Variants in CDH13 observed in about 807,000 individuals in gnomAD.
CDH13 encodes the protein cadherin 13.
CDH13 carries 24 observed loss-of-function variants against 63.8 expected under a neutral mutation model. That is an observed-to-expected ratio of 0.38 (90% CI 0.27 to 0.53). The LOEUF (loss-of-function observed/expected upper bound fraction) is 0.53. Ranked by LOEUF, CDH13 falls within the 20% of genes least tolerant of loss-of-function variation. CDH13 has a pLI of 0.85. For missense variants in CDH13, 1,049 were observed against 903.1 expected, an observed-to-expected ratio of 1.16 and a Z score of -2.07; for synonymous variants, 503 against 355.3, an observed-to-expected ratio of 1.42 and a Z score of -4.67.
At chr16:82,777,414 G>T (rs1218079636) in intron 1 of CDH13, among the ~76,000 whole-genome samples, 1 of 152,164 alleles carries the variant, frequency 6.6e-6, no homozygotes, top group Admixed American at 6.5e-5. Flanking sequence ...TTGTCACCGG[G>T]CTTTAATTTT....
chr16:83,744,173 C>T (rs1015564881), intron 10 of CDH13, among the ~76,000 whole-genome samples: 1 of 152,160 alleles, frequency 6.6e-6, no homozygotes, highest in Non-Finnish European at 1.5e-5. Flanking sequence ...TTTACCTATC[C>T]TGACACCAAG....
intron 6 of CDH13, among the ~76,000 whole-genome samples, chr16:83,410,739 C>G (rs2092114075): frequency 6.6e-6 from 1 of 152,078 alleles, no homozygotes; most frequent in Admixed American, 6.6e-5. Context: ...AAAGAAGGTT[C>G]AATTTAATTA....
At position 83,239,160 on chromosome 16, in the gene CDH13, T is replaced by C. The variant is rs190872530; in HGVS notation, c.636+21663T>C. ...GTTTAACAGCCTTACCATGCCATTC[T>C]TGAGAGAAATAAAGTGAGGTTTCAT... On this transcript the variant is annotated intron_variant, in intron 5 of 13. Coordinates refer to ENST00000567109, the MANE Select transcript of CDH13 (RefSeq NM_001257.5). 8.4e-4 allele frequency among the ~76,000 whole-genome samples: 128 copies of C among 152,310 alleles called. 1 individual carries two copies. The highest frequency in any genetic ancestry group is 2.9e-3 in the African/African-American group (119 of 41,570).
chr16:83,397,328 G>A (rs1215377428), intron 6 of CDH13: 1 of 152,160 alleles, frequency 6.6e-6, no homozygotes, highest in Non-Finnish European at 1.5e-5. Context: ...AGCTATGGAA[G>A]CCAAGGTATG....
chr16:83,263,912 C>G (rs373859597), intron 5 of CDH13, among the ~76,000 whole-genome samples: 1 of 152,168 alleles, frequency 6.6e-6, no homozygotes, highest in Non-Finnish European at 1.5e-5. Context: ...AGCAGAAACA[C>G]CTCAGACAGT....
chr16:82,937,458 C>G (rs569369912), intron 2 of CDH13, among the ~76,000 whole-genome samples: 11 of 152,204 alleles, frequency 7.2e-5, no homozygotes, highest in African/African-American at 2.6e-4. Flanking sequence ...CACACACACA[C>G]ACAGTCTAGC....
At chr16:83,463,780 A>C (rs2073239655) in intron 6 of CDH13, among the ~76,000 whole-genome samples, 1 of 152,210 alleles carries the variant, frequency 6.6e-6, no homozygotes, top group South Asian at 2.1e-4. Context: ...ATTCCGGCCT[A>C]GGTAACTGAG....
chr16:82,958,277 G>T (rs985720420), intron 2 of CDH13, among the ~76,000 whole-genome samples: 1 of 152,180 alleles, frequency 6.6e-6, no homozygotes, highest in Non-Finnish European at 1.5e-5. Context: ...ACCTAGAAGT[G>T]CTTAAAACTG....
rs562969037 is a variant in CDH13, at chr16:83,674,747, C to T, written c.1285-3461C>T. Among the ~76,000 whole-genome samples, 6 of 152,358 alleles carry T rather than the reference C, an allele frequency of 3.9e-5. 1 individual carries two copies. The highest frequency in any genetic ancestry group is 4.1e-4 in the South Asian group (2 of 4,828). ...CCCAGTGGCTCTGACAGATGAGTGT[C>T]GGCTTCGTCTTTAAAACCTTCAGAT... On this transcript the variant is annotated intron_variant, in intron 9 of 13. Coordinates refer to ENST00000567109, the MANE Select transcript of CDH13 (RefSeq NM_001257.5).
intron 2 of CDH13, among the ~76,000 whole-genome samples, chr16:82,979,485 C>T (rs1260626540): frequency 3.3e-5 from 5 of 152,022 alleles, no homozygotes; most frequent in African/African-American, 9.7e-5. Flanking sequence ...GGTGGTTACC[C>T]TCATGCTGTT....
chr16:82,802,427 GT>G (rs1421259694), intron 1 of CDH13, among the ~76,000 whole-genome samples: 1 of 152,088 alleles, frequency 6.6e-6, no homozygotes, highest in Non-Finnish European at 1.5e-5. Context: ...CTGTCTCAAA[GT>G]TTTCAAAGAA....
Position 82,634,519 on chromosome 16 carries a change from G to T in CDH13, c.45+7382G>T, listed in dbSNP as rs567693148. 2.0e-5 allele frequency among the ~76,000 whole-genome samples: 3 copies of T among 152,294 alleles called. No homozygotes were observed. In the South Asian group the frequency reaches 6.2e-4, roughly 32 times the overall value. On this transcript the variant is annotated intron_variant, in intron 1 of 13. Coordinates refer to ENST00000567109, the MANE Select transcript of CDH13 (RefSeq NM_001257.5). ...TCTGGGATCATCTCACTCAGGGGTT[G>T]CAAATTATGGCCCGTGAGCCAATTT...
chr16:83,794,405 T>G (rs1916469991), intron 13 of CDH13, among the ~76,000 whole-genome samples: 2 of 151,914 alleles, frequency 1.3e-5, no homozygotes, highest in African/African-American at 4.8e-5. Flanking sequence ...ATGCAAAAAT[T>G]AGCCAGGCAT....
intron 5 of CDH13, among the ~76,000 whole-genome samples, chr16:83,320,924 C>T (rs1435106009): frequency 6.6e-6 from 1 of 152,154 alleles, no homozygotes; most frequent in East Asian, 1.9e-4. Flanking sequence ...AGAAAAGAAT[C>T]CCAAGACCAA....
intron 11 of CDH13, among the ~76,000 whole-genome samples, chr16:83,748,770 C>A (rs1261486638): frequency 1.3e-5 from 2 of 152,306 alleles, no homozygotes; most frequent in East Asian, 1.9e-4. Flanking sequence ...ATCCATATGC[C>A]AGCCCCTGAT....
intron 7 of CDH13, among the ~76,000 whole-genome samples, chr16:83,583,426 G>C (rs1379541373): frequency 6.6e-6 from 1 of 152,186 alleles, no homozygotes; most frequent in East Asian, 1.9e-4. Flanking sequence ...TGATTTTAAA[G>C]CTCATATCTC....
At chr16:82,958,372 G>A (rs1045756160) in intron 2 of CDH13, among the ~76,000 whole-genome samples, 36 of 152,218 alleles carry the variant, frequency 2.4e-4, no homozygotes, top group African/African-American at 8.2e-4. Flanking sequence ...AGGCAGTAGG[G>A]GTAAAAAGGA....
intron 2 of CDH13, among the ~76,000 whole-genome samples, chr16:83,023,301 C>CCG: frequency 9.2e-6 from 1 of 108,732 alleles, no homozygotes; most frequent in Middle Eastern, 4.2e-3. Flanking sequence ...GTTTTCACTA[C>CCG]CCCCCGACTC....
intron 2 of CDH13, among the ~76,000 whole-genome samples, chr16:82,944,667 A>G (rs34111356): frequency 0.34 from 52,072 of 151,970 alleles, 11,564 homozygotes; most frequent in African/African-American, 0.63. Context: ...TTTCAGCAGT[A>G]CCACTGTTGA....
Sources: allele counts gnomAD v4.1 joint callset (sites outside exome capture counted in the v4.1 genomes callset), GRCh38; gene constraint gnomAD v4.1.1; transcripts MANE v1.5; gene names NCBI Gene and HGNC (gene_info 2026-07-23, HGNC 2026-07-21).